The following ADCY3 variants were observed in gnomAD, a reference collection of about 807,000 sequenced individuals.
ADCY3 encodes the protein adenylate cyclase type 3.
Under a neutral mutation model 119.4 loss-of-function variants are expected in ADCY3, and 70 were observed. The observed-to-expected ratio is 0.59, with a 90% CI of 0.48 to 0.72. ADCY3 has a LOEUF of 0.72. ADCY3 is among the 30% of genes least tolerant of loss of function. ADCY3 has a pLI of 0.00. For missense variants in ADCY3, 1,238 were observed against 1,541.6 expected (o/e 0.80, Z 3.30); for synonymous variants, 672 against 621.4 (o/e 1.08, Z -1.21).
chr2:24,821,677 G>A (rs769320658), intron 19 of ADCY3, 37 bp from the exon 20 acceptor site: 22 of 1,607,976 alleles, frequency 1.4e-5, no homozygotes, highest in South Asian at 6.6e-5. Flanking sequence ...GTCAGGGGCC[G>A]CTCACTGCAG....
chr2:24,907,213 G>C (rs1270608637), intron 2 of ADCY3, among the ~76,000 whole-genome samples: 1 of 151,746 alleles, frequency 6.6e-6, no homozygotes. Context: ...CCCAAGGGCA[G>C]TCCAGGAGCC....
At chr2:24,902,680 C>T (rs78106640) in intron 2 of ADCY3, among the ~76,000 whole-genome samples, 4,433 of 152,062 alleles carry the variant, frequency 0.029, 93 homozygotes, top group African/African-American at 0.054. Flanking sequence ...AGCTACTCAA[C>T]GTGAAGATGC....
intron 2 of ADCY3, among the ~76,000 whole-genome samples, chr2:24,879,308 TA>T (rs572101598): frequency 7.4e-4 from 111 of 149,980 alleles, no homozygotes; most frequent in African/African-American, 2.5e-3. Flanking sequence ...CCGTCTCTAC[TA>T]AAAAAAAATG....
At position 24,822,521 on chromosome 2, in the gene ADCY3, C is replaced by T; in HGVS notation, c.2993G>A (p.Ser998Asn). 1 of 1,613,676 alleles carries T rather than the reference C, an allele frequency of 6.2e-7. No individual in the cohort carries two copies. Among genetic ancestry groups the T allele is most frequent in the Non-Finnish European group, 8.5e-7 (1 of 1,179,656 alleles). The change falls in exon 19 of 22, where the codon AGC (serine) becomes AAC (asparagine). Residue 998 changes from serine (S) to asparagine (N), a missense_variant. This residue lies in a region of ADCY3 where 63 missense variants were observed against 62.8 expected (regional missense o/e 1.00). Transcript: ENST00000679454. ...ACTGGGGTTAGCTACCTTGTTGGAG[C>T]TGGCAAAGCCATTGGTGTTGACATC... ...TPDVNTNGFASSNKEDKSERE... is the reference protein window; with the variant it reads ...TPDVNTNGFANSNKEDKSERE...
At chr2:24,831,799 G>A (rs376745127) in intron 11 of ADCY3, 50 bp from the exon 12 acceptor site, 1 of 1,385,736 alleles carries the variant, frequency 7.2e-7, no homozygotes, top group African/African-American at 1.4e-5. Context: ...ACAGTGAGAT[G>A]GGGTGAGGGG....
At position 24,838,759 on chromosome 2, in the gene ADCY3, G is replaced by T. The variant is rs1670626893; in HGVS notation, c.1356-137C>A. On this transcript the variant is annotated intron_variant, in intron 7 of 21. Transcript: ENST00000679454. ...CGGGCATGTGGGGCAGAGGCCAAGT[G>T]GAGGCAGTTCTGCCACTAACTAGCT... 4 of 1,585,152 alleles carry T rather than the reference G, an allele frequency of 2.5e-6. No homozygotes were observed. In the African/African-American group the frequency reaches 4.0e-5, roughly 16 times the overall value.
At chr2:24,905,243 C>T (rs1479691067) in intron 2 of ADCY3, among the ~76,000 whole-genome samples, 5 of 152,026 alleles carry the variant, frequency 3.3e-5, no homozygotes, top group Non-Finnish European at 5.9e-5. Context: ...ACACCATTCC[C>T]CTGCCTCAGC....
intron 2 of ADCY3, among the ~76,000 whole-genome samples, chr2:24,896,152 G>T (rs146257599): frequency 0.018 from 2,766 of 152,200 alleles, 78 homozygotes; most frequent in African/African-American, 0.063. Context: ...TTGGGAGGCC[G>T]AGATGGGCAG....
intron 2 of ADCY3, among the ~76,000 whole-genome samples, chr2:24,896,845 T>G (rs943807494): frequency 6.6e-6 from 1 of 152,136 alleles, no homozygotes; most frequent in African/African-American, 2.4e-5. Flanking sequence ...TCCCTCAACT[T>G]AGTAATCTCG....
At chr2:24,846,858 T>C (rs56007024) in intron 3 of ADCY3, among the ~76,000 whole-genome samples, 28,626 of 152,174 alleles carry the variant, frequency 0.19, 4,023 homozygotes, top group African/African-American at 0.4. Flanking sequence ...GCATTACAGG[T>C]GTAAGCCATC....
At chr2:24,865,310 T>C (rs961523025) in intron 3 of ADCY3, among the ~76,000 whole-genome samples, 4 of 152,104 alleles carry the variant, frequency 2.6e-5, no homozygotes, top group Admixed American at 2.0e-4. Context: ...GCAGGCGTGG[T>C]GGTGCATGCC....
intron 14 of ADCY3, 118 bp downstream of exon 14, chr2:24,827,784 C>A: frequency 1.3e-6 from 2 of 1,503,490 alleles, no homozygotes; most frequent in Non-Finnish European, 1.8e-6. Context: ...CTTGAACAAG[C>A]CTTTGAGGAC....
intron 20 of ADCY3, chr2:24,821,282 C>G: frequency 1.9e-6 from 1 of 539,892 alleles, no homozygotes. Context: ...GGCCAAGCTT[C>G]TATTGTAACA....
intron 2 of ADCY3, among the ~76,000 whole-genome samples, chr2:24,901,573 A>C (rs1678904448): frequency 6.6e-6 from 1 of 152,214 alleles, no homozygotes; most frequent in African/African-American, 2.4e-5. Flanking sequence ...TTCTGTACCC[A>C]GGTTCCTTCC....
intron 2 of ADCY3, among the ~76,000 whole-genome samples, chr2:24,915,820 C>A (rs992917845): frequency 6.6e-6 from 1 of 152,234 alleles, no homozygotes; most frequent in Non-Finnish European, 1.5e-5. Flanking sequence ...GGATTACAGG[C>A]ATGAGCCACC....
At chr2:24,892,093 A>G (rs1021594465) in intron 2 of ADCY3, among the ~76,000 whole-genome samples, 10 of 152,084 alleles carry the variant, frequency 6.6e-5, no homozygotes, top group Non-Finnish European at 1.5e-4. Context: ...ATTTAATTCA[A>G]TATGTTTTCT....
intron 3 of ADCY3, among the ~76,000 whole-genome samples, chr2:24,860,306 G>T (rs2148718192): frequency 6.6e-6 from 1 of 152,316 alleles, no homozygotes; most frequent in East Asian, 1.9e-4. Flanking sequence ...AACAACTCCA[G>T]TTCTGTCCTC....
In ADCY3 at chr2:24,885,157, C is replaced by T. The variant is rs189952350; in HGVS notation, c.676-12438G>A. On this transcript the variant is annotated intron_variant, in intron 2 of 21. Coordinates refer to ENST00000679454, the MANE Select transcript of ADCY3 (RefSeq NM_004036.5). Reference sequence around the variant, plus strand: ...CTCCTAAATTCCAGTTCCTCAGCCTCCACTGTCTTGATGAGCACCACCTGC... The same window carrying T: ...CTCCTAAATTCCAGTTCCTCAGCCTTCACTGTCTTGATGAGCACCACCTGC... 4.0e-3 allele frequency among the ~76,000 whole-genome samples: 605 copies of T among 152,306 alleles called. 3 individuals are homozygous for T. The highest frequency in any genetic ancestry group is 0.014 in the African/African-American group (564 of 41,562).
At chr2:24,912,134 T>C (rs775021401) in intron 2 of ADCY3, among the ~76,000 whole-genome samples, 9 of 152,088 alleles carry the variant, frequency 5.9e-5, no homozygotes, top group Non-Finnish European at 8.8e-5. Context: ...GTGTTGGTGA[T>C]AGCACATACC....
Sources: gnomAD v4.1 joint callset for allele counts (sites outside exome capture counted in the v4.1 genomes callset) on GRCh38, gnomAD v4.1.1 for gene constraint, gnomAD v4.1.1 regional missense constraint, MANE v1.5 for transcripts, NCBI Gene and HGNC (gene_info 2026-07-23, HGNC 2026-07-21) for gene names.